Variants in ADAM9 observed in about 807,000 individuals in gnomAD.
ADAM9 encodes ADAM metallopeptidase domain 9, also known as disintegrin and metalloproteinase domain-containing protein 9.
ADAM9 carries 54 observed loss-of-function variants against 108.1 expected under a neutral mutation model. That is an observed-to-expected ratio of 0.50 (90% confidence interval 0.40 to 0.63). The LOEUF (loss-of-function observed/expected upper bound fraction) is 0.63, where lower values mean the gene tolerates loss of function less well. Ranked by LOEUF, ADAM9 falls within the 20% of genes least tolerant of loss-of-function variation. ADAM9 has a pLI of 0.00. For synonymous variants in ADAM9, 316 were observed against 336.0 expected (o/e 0.94, Z 0.65); for missense variants, 830 against 997.7 (o/e 0.83, Z 2.26).
intron 8 of ADAM9, among the ~76,000 whole-genome samples, chr8:39,022,771 T>C (rs1836786930): frequency 6.6e-6 from 1 of 152,130 alleles, no homozygotes; most frequent in South Asian, 2.1e-4. Flanking sequence ...TGGAGTCCAG[T>C]GGCGCAATCT....
intron 12 of ADAM9, among the ~76,000 whole-genome samples, chr8:39,044,825 CTACA>C (rs1429049754): frequency 2.6e-5 from 4 of 151,990 alleles, no homozygotes; most frequent in East Asian, 3.9e-4. Context: ...TTTTTTATGG[CTACA>C]TATAGTATTC....
chr8:39,035,546 C>T (rs1021628886), intron 11 of ADAM9, among the ~76,000 whole-genome samples: 2 of 152,000 alleles, frequency 1.3e-5, no homozygotes, highest in Non-Finnish European at 2.9e-5. Context: ...AGACCGGGTG[C>T]GGTGGCTCAC....
chr8:39,014,849 A>G, intron 4 of ADAM9: 1 of 328,004 alleles, frequency 3.0e-6, no homozygotes, highest in East Asian at 5.8e-5. Flanking sequence ...TAGTACTTAC[A>G]AAAACCAAGG....
intron 16 of ADAM9, among the ~76,000 whole-genome samples, chr8:39,080,019 A>G (rs1838970381): frequency 6.6e-6 from 1 of 151,938 alleles, no homozygotes; most frequent in African/African-American, 2.4e-5. Context: ...ATTTCATCCT[A>G]TTTCTCTGAT....
In ADAM9 at chr8:39,013,952, A is replaced by T; in HGVS notation, c.255-13A>T. 1.2e-6 allele frequency: 2 copies of T among 1,605,934 alleles called. No homozygotes were observed. The highest frequency in any genetic ancestry group is 1.7e-6 in the Non-Finnish European group (2 of 1,173,006). ...ATAACATATATATAAACGGTGTTTT[A>T]TTTCTCTTCCAGAGACCTTTTGCCT... On this transcript the variant is annotated splice_polypyrimidine_tract_variant and intron_variant, in intron 3 of 21. Coordinates refer to ENST00000487273, the MANE Select transcript of ADAM9 (RefSeq NM_003816.3).
intron 12 of ADAM9, among the ~76,000 whole-genome samples, chr8:39,042,947 A>G (rs1424754431): frequency 3.3e-5 from 5 of 152,146 alleles, no homozygotes. Flanking sequence ...GACCACCACT[A>G]TTCTGTTCAC....
rs1422452620 is a variant in ADAM9, at chr8:39,104,277, G to C, written c.*577G>C. 2.2e-6 allele frequency: 1 copy of C among 452,594 alleles called. No homozygotes were observed. The highest frequency in any genetic ancestry group is 2.4e-5 in the Admixed American group (1 of 42,502). 28.0% of individuals were successfully genotyped at this position (452,594 alleles called of 1,614,324 possible). ...AATGCACAAGAACCACAATTAAGAT[G>C]TCATATTATTTTGAAAGTACAAAAT... On this transcript the variant is annotated 3_prime_UTR_variant, in exon 22 of 22. Transcript: ENST00000487273.
chr8:39,073,024 TC>T (rs1285450759), intron 15 of ADAM9, among the ~76,000 whole-genome samples: 1 of 152,242 alleles, frequency 6.6e-6, no homozygotes, highest in Non-Finnish European at 1.5e-5. Flanking sequence ...TGTGCATTAT[TC>T]AGTTACACTT....
Position 39,023,148 on chromosome 8 carries a change from C to G in ADAM9, c.745-8C>G, listed in dbSNP as rs760005283. ...ATATTTTATATACTTTTATTTCTTT[C>G]TTCCCAGATGTATATTATGTTAAAT... On this transcript the variant is annotated splice_polypyrimidine_tract_variant and splice_region_variant and intron_variant, in intron 8 of 21. Coordinates refer to ENST00000487273, the MANE Select transcript of ADAM9 (RefSeq NM_003816.3). The G allele has an allele frequency of 6.2e-7, 1 of 1,606,118 alleles. No homozygotes were observed. Among genetic ancestry groups the G allele is most frequent in the South Asian group, 1.1e-5 (1 of 90,438 alleles).
rs1837051774 is a variant in ADAM9, at chr8:39,030,081, TG to T, written c.1130+3272del. 3.3e-5 allele frequency among the ~76,000 whole-genome samples: 5 copies of T among 152,334 alleles called. No homozygotes were observed. The South Asian group carries it at 1.0e-3, about 32-fold the overall frequency. Reference sequence around the variant, plus strand: ...AACAGAGTGGTATGGTTGTTAAAACTGACAAACCTATATTGACACATCATGA... The same window carrying T: ...AACAGAGTGGTATGGTTGTTAAAACTACAAACCTATATTGACACATCATGA... On this transcript the variant is annotated intron_variant, in intron 11 of 21. Transcript: ENST00000487273.
At chr8:39,034,249 A>C (rs1837198110) in intron 11 of ADAM9, among the ~76,000 whole-genome samples, 1 of 152,096 alleles carries the variant, frequency 6.6e-6, no homozygotes, top group Admixed American at 6.6e-5. Context: ...CTAGAATGGA[A>C]ATTATGCAGT....
chr8:39,055,911 C>T, intron 14 of ADAM9, 139 bp downstream of exon 14: 4 of 851,198 alleles, frequency 4.7e-6, no homozygotes, highest in South Asian at 1.8e-5. Context: ...TCTTTGGAGG[C>T]AGTCATGATC....
At chr8:39,029,494 C>T (rs1391109346) in intron 11 of ADAM9, among the ~76,000 whole-genome samples, 2 of 152,152 alleles carry the variant, frequency 1.3e-5, no homozygotes, top group Non-Finnish European at 2.9e-5. Flanking sequence ...TTTGATTTTT[C>T]ACTGTGGAGT....
chr8:39,032,512 T>C (rs1248034562), intron 11 of ADAM9, among the ~76,000 whole-genome samples: 3 of 152,276 alleles, frequency 2.0e-5, no homozygotes, highest in Non-Finnish European at 4.4e-5. Flanking sequence ...TGCTGTTTGC[T>C]AAGACCATTG....
At chr8:39,100,960 C>T (rs929545784) in intron 20 of ADAM9, among the ~76,000 whole-genome samples, 2 of 152,150 alleles carry the variant, frequency 1.3e-5, no homozygotes, top group African/African-American at 4.8e-5. Flanking sequence ...ACTACTTCAT[C>T]AAGGAAGGAT....
At chr8:39,041,006 A>G (rs1174009104) in intron 11 of ADAM9, among the ~76,000 whole-genome samples, 21 of 152,238 alleles carry the variant, frequency 1.4e-4, no homozygotes, top group Admixed American at 1.4e-3. Context: ...TCTAAGAAGA[A>G]AACGTTGAGG....
intron 1 of ADAM9, among the ~76,000 whole-genome samples, chr8:39,007,066 G>A (rs1409495373): frequency 6.6e-6 from 1 of 152,210 alleles, no homozygotes; most frequent in Non-Finnish European, 1.5e-5. Flanking sequence ...ATTCACTGCA[G>A]GCTGTACAGG....
chr8:39,050,864 T>C (rs1269443966), intron 12 of ADAM9, among the ~76,000 whole-genome samples: 1 of 146,128 alleles, frequency 6.8e-6, no homozygotes, highest in Admixed American at 7.0e-5. Flanking sequence ...TTAATCACTA[T>C]GTTAAACTGG....
intron 18 of ADAM9, among the ~76,000 whole-genome samples, chr8:39,087,976 A>G (rs1222902577): frequency 1.3e-5 from 2 of 152,178 alleles, no homozygotes; most frequent in African/African-American, 4.8e-5. Flanking sequence ...ATACTGTATT[A>G]TTATAATAAA....
Sources: gnomAD v4.1 joint callset for allele counts (sites outside exome capture counted in the v4.1 genomes callset) on GRCh38, gnomAD v4.1.1 for gene constraint, MANE v1.5 for transcripts, NCBI Gene and HGNC (gene_info 2026-07-23, HGNC 2026-07-21) for gene names.